Variants in RASEF observed in about 807,000 individuals in gnomAD.
RASEF encodes RAS and EF-hand domain containing.
Under a neutral mutation model 90.1 loss-of-function variants are expected in RASEF, and 68 were observed. That is an observed-to-expected ratio of 0.75 (90% CI 0.62 to 0.92). The LOEUF is 0.92. Ranked by LOEUF, RASEF falls within the 40% of genes least tolerant of loss-of-function variation. The pLI is 0.00. For synonymous variants in RASEF, 331 were observed against 345.2 expected (o/e 0.96, Z 0.46); for missense variants, 949 against 937.2 (o/e 1.01, Z -0.16).
chr9:83,089,896 A>AGAT, the RASEF span, among the ~76,000 whole-genome samples: 304 of 19,230 alleles, frequency 0.016, 2 homozygotes, highest in African/African-American at 0.051. Flanking sequence ...GATAGATGAT[A>AGAT]GATAGATAGA....
chr9:83,049,235 A>G (rs1473714406), intron 1 of RASEF: 1 of 812,656 alleles, frequency 1.2e-6, no homozygotes, highest in Non-Finnish European at 1.5e-6. Flanking sequence ...ACTTCCTTGT[A>G]CCAACAGCAT....
the RASEF span, among the ~76,000 whole-genome samples, chr9:83,203,468 G>T: frequency 6.6e-6 from 1 of 151,878 alleles, no homozygotes; most frequent in Non-Finnish European, 1.5e-5. Context: ...TAGAGACGGG[G>T]TTTCATCATG....
intron 1 of RASEF, chr9:83,054,632 A>T (rs2117877277): frequency 6.7e-6 from 1 of 149,612 alleles, no homozygotes; most frequent in South Asian, 2.1e-4. Flanking sequence ...TGCTTTTTAG[A>T]GTTTCCAGTT....
At chr9:83,038,633 A>G (rs546849231) in intron 1 of RASEF, among the ~76,000 whole-genome samples, 2 of 151,698 alleles carry the variant, frequency 1.3e-5, no homozygotes, top group South Asian at 4.1e-4. Context: ...CACATAAGTG[A>G]TAAGAATTTT....
At chr9:83,123,762 C>T in the RASEF span, among the ~76,000 whole-genome samples, 7 of 152,210 alleles carry the variant, frequency 4.6e-5, no homozygotes, top group South Asian at 2.1e-4. Context: ...ACACTATTAA[C>T]GTAACAGCAA....
chr9:83,037,744 ATTTTTT>A (rs35483330), intron 1 of RASEF, among the ~76,000 whole-genome samples: 106 of 131,866 alleles, frequency 8.0e-4, no homozygotes, highest in African/African-American at 2.3e-3. Flanking sequence ...TAAATGTCCT[ATTTTTT>A]TTTTTTTTTT....
the RASEF span, among the ~76,000 whole-genome samples, chr9:83,141,560 G>A: frequency 6.6e-6 from 1 of 152,190 alleles, no homozygotes; most frequent in African/African-American, 2.4e-5. Context: ...AAAAGCAGCT[G>A]AACTTCAAGT....
At chr9:83,016,823 C>T (rs1829350782) in intron 3 of RASEF, among the ~76,000 whole-genome samples, 1 of 152,224 alleles carries the variant, frequency 6.6e-6, no homozygotes, top group Non-Finnish European at 1.5e-5. Context: ...GGTAGCGTGT[C>T]TTACTGCCCA....
At chr9:83,160,908 C>G in the RASEF span, among the ~76,000 whole-genome samples, 6 of 152,184 alleles carry the variant, frequency 3.9e-5, no homozygotes, top group African/African-American at 1.4e-4. Flanking sequence ...AAGCCCCAAG[C>G]CTTGGCATCC....
the RASEF span, among the ~76,000 whole-genome samples, chr9:83,080,229 A>G: frequency 2.6e-5 from 4 of 152,336 alleles, no homozygotes; most frequent in South Asian, 8.3e-4. Context: ...GAGGAAAGTG[A>G]TAGAAATGAG....
At chr9:83,205,937 G>A in the RASEF span, among the ~76,000 whole-genome samples, 1 of 152,106 alleles carries the variant, frequency 6.6e-6, no homozygotes, top group African/African-American at 2.4e-5. Context: ...GGGGGCAGTA[G>A]AATATAACTA....
chr9:83,100,153 T>C, the RASEF span, among the ~76,000 whole-genome samples: 1 of 152,240 alleles, frequency 6.6e-6, no homozygotes, highest in South Asian at 2.1e-4. Flanking sequence ...TTTGAGCTTG[T>C]GAAAGACTTT....
chr9:83,123,400 C>T, the RASEF span, among the ~76,000 whole-genome samples: 1,050 of 152,242 alleles, frequency 6.9e-3, 18 homozygotes, highest in African/African-American at 0.024. Context: ...TCCCTTCTAA[C>T]GCTGGGGAGA....
chr9:83,193,905 C>G, the RASEF span, among the ~76,000 whole-genome samples: 3 of 152,168 alleles, frequency 2.0e-5, no homozygotes, highest in Admixed American at 6.5e-5. Context: ...AAGGAGTCAG[C>G]CTATGAAGTT....
At chr9:83,008,634 A>C (rs1007697595) in intron 6 of RASEF, among the ~76,000 whole-genome samples, 3 of 151,888 alleles carry the variant, frequency 2.0e-5, no homozygotes, top group Admixed American at 2.0e-4. Flanking sequence ...TGAGTTGCTG[A>C]TGTTGCCATC....
the RASEF span, among the ~76,000 whole-genome samples, chr9:83,103,194 CA>C: frequency 1.8e-4 from 27 of 152,150 alleles, no homozygotes; most frequent in African/African-American, 5.3e-4. Context: ...GTAGGAGGCC[CA>C]GGCTTGAAAC....
At chr9:83,182,180 T>C in the RASEF span, among the ~76,000 whole-genome samples, 2 of 152,168 alleles carry the variant, frequency 1.3e-5, no homozygotes, top group Admixed American at 1.3e-4. Context: ...TCCCTCTCAC[T>C]ATAAAAAATG....
chr9:83,095,870 T>A, the RASEF span, among the ~76,000 whole-genome samples: 16 of 152,076 alleles, frequency 1.1e-4, no homozygotes, highest in South Asian at 4.2e-4. Context: ...CCAGATTTTT[T>A]AAAAATATAT....
At chr9:83,191,824 A>G in the RASEF span, among the ~76,000 whole-genome samples, 1 of 152,312 alleles carries the variant, frequency 6.6e-6, no homozygotes, top group Non-Finnish European at 1.5e-5. Flanking sequence ...AACGTTAGGG[A>G]AAGTTGGATG....
Sources: gnomAD v4.1 joint callset for allele counts (sites outside exome capture counted in the v4.1 genomes callset) on GRCh38, gnomAD v4.1.1 for gene constraint, MANE v1.5 for transcripts, NCBI Gene and HGNC (gene_info 2026-07-23, HGNC 2026-07-21) for gene names.